Variants in CTNNBL1 observed in about 807,000 individuals in gnomAD.
CTNNBL1 encodes the protein catenin beta like 1, also known as beta-catenin-like protein 1.
Under a neutral mutation model 72.7 loss-of-function variants are expected in CTNNBL1, and 31 were observed. That is an observed-to-expected ratio of 0.43 (90% CI 0.32 to 0.58). The LOEUF is 0.58. Ranked by LOEUF, CTNNBL1 falls within the 20% of genes least tolerant of loss-of-function variation. CTNNBL1 has a pLI of 0.08. For synonymous variants in CTNNBL1, 240 were observed against 267.3 expected (o/e 0.90, Z 1.00); for missense variants, 534 against 725.1 (o/e 0.74, Z 3.03).
intron 4 of CTNNBL1, among the ~76,000 whole-genome samples, chr20:37,748,959 C>T (rs761508140): frequency 1.8e-4 from 27 of 152,210 alleles, no homozygotes; most frequent in South Asian, 1.2e-3. Context: ...TCAGTGACTA[C>T]GAGTTCTGGT....
intron 10 of CTNNBL1, among the ~76,000 whole-genome samples, chr20:37,788,535 G>T (rs1043473968): frequency 2.6e-5 from 4 of 152,148 alleles, no homozygotes; most frequent in South Asian, 2.1e-4. Flanking sequence ...ACAAAACGGG[G>T]CCATAGTGTG....
At chr20:37,844,853 C>T (rs1170992785) in intron 13 of CTNNBL1, among the ~76,000 whole-genome samples, 2 of 152,166 alleles carry the variant, frequency 1.3e-5, no homozygotes, top group Non-Finnish European at 2.9e-5. Flanking sequence ...GAGGCTGAGG[C>T]ACGAGAGTCA....
At chr20:37,732,765 TC>T in intron 1 of CTNNBL1, 113 bp from the exon 2 acceptor site, 1 of 890,854 alleles carries the variant, frequency 1.1e-6, no homozygotes, top group Non-Finnish European at 1.7e-6. Context: ...ACTCCTGGGC[TC>T]AAGAGATCTG....
At chr20:37,842,285 C>A in intron 12 of CTNNBL1, 54 bp from the exon 13 acceptor site, 1 of 1,266,884 alleles carries the variant, frequency 7.9e-7, no homozygotes, top group East Asian at 2.3e-5. Context: ...CCACTGTTCT[C>A]TTGCTGTGCG....
chr20:37,707,425 C>T (rs186350815), intron 1 of CTNNBL1, among the ~76,000 whole-genome samples: 10 of 152,332 alleles, frequency 6.6e-5, no homozygotes, highest in East Asian at 1.9e-4. Flanking sequence ...GTTCACCTTG[C>T]GCTTTCATGT....
intron 1 of CTNNBL1, among the ~76,000 whole-genome samples, chr20:37,696,891 T>C (rs1160448284): frequency 6.6e-6 from 1 of 152,030 alleles, no homozygotes; most frequent in Admixed American, 6.6e-5. Context: ...TACTAGAAAA[T>C]GTAAAGTGGG....
At chr20:37,839,953 A>T in intron 11 of CTNNBL1, 149 bp from the exon 12 acceptor site, 1 of 576,034 alleles carries the variant, frequency 1.7e-6, no homozygotes, top group Non-Finnish European at 3.1e-6. Flanking sequence ...TTTTTTAGTG[A>T]CACAATTTAG....
intron 7 of CTNNBL1, among the ~76,000 whole-genome samples, chr20:37,769,803 A>G (rs1184873347): frequency 6.6e-6 from 1 of 152,224 alleles, no homozygotes; most frequent in Non-Finnish European, 1.5e-5. Flanking sequence ...GCTCTGCTTC[A>G]GAATGTCACA....
At position 37,696,999 on chromosome 20, in the gene CTNNBL1, TGAA is replaced by T. The variant is rs377674733; in HGVS notation, c.30+2851_30+2853del. 2.7e-3 allele frequency among the ~76,000 whole-genome samples: 416 copies of T among 151,426 alleles called. 5 individuals are homozygous for T. Among genetic ancestry groups the T allele is most frequent in the East Asian group, 0.016 (83 of 5,038 alleles). ...GAGTTTGAGACCAGCCTGACCAACATGAAGAAACCATGTCTCTACTAAAAATAT... is the reference window on the plus strand; with the variant it reads ...GAGTTTGAGACCAGCCTGACCAACATGAAACCATGTCTCTACTAAAAATAT... On this transcript the variant is annotated intron_variant, in intron 1 of 15. Coordinates refer to ENST00000361383, the MANE Select transcript of CTNNBL1 (RefSeq NM_030877.5).
intron 15 of CTNNBL1, among the ~76,000 whole-genome samples, chr20:37,865,243 GTGACTGACCATAGC>G (rs1352594282): frequency 2.6e-5 from 4 of 152,178 alleles, no homozygotes; most frequent in Non-Finnish European, 5.9e-5. Flanking sequence ...CACAAGTGAG[GTGACTGACCATAGC>G]GCAAAGCAGA....
chr20:37,757,531 TG>T, intron 4 of CTNNBL1, 27 bp from the exon 5 acceptor site: 2 of 1,507,690 alleles, frequency 1.3e-6, no homozygotes, highest in Non-Finnish European at 1.8e-6. Flanking sequence ...CGTTTCAGTA[TG>T]TGTGTTATAC....
At chr20:37,866,276 C>A (rs190796719) in intron 15 of CTNNBL1, among the ~76,000 whole-genome samples, 1 of 152,220 alleles carries the variant, frequency 6.6e-6, no homozygotes, top group Non-Finnish European at 1.5e-5. Flanking sequence ...AGAGGGCTCT[C>A]GGGAAGCGCT....
chr20:37,737,384 C>T lies in CTNNBL1; in HGVS notation c.226C>T (p.Pro76Ser). 6.2e-7 allele frequency: 1 copy of T among 1,611,318 alleles called. No individual in the cohort carries two copies. The highest frequency in any genetic ancestry group is 8.5e-7 in the Non-Finnish European group (1 of 1,177,858). ...ATTTGTCTCTTTGTACCAGGAGGAG[C>T]CATTGGATGAAAGCTCAGTGAAGAA... ...DGEEEEEEEE[P>S]LDESSVKKMI... Residue 76 changes from proline (P) to serine (S), a missense_variant, in exon 3 of 16, where the codon CCA becomes TCA. Physicochemically the swap from Pro to Ser is moderately conservative, Grantham distance 74. Coordinates refer to ENST00000361383, the MANE Select transcript of CTNNBL1 (RefSeq NM_030877.5).
chr20:37,765,124 AGTAT>A (rs1402944333), intron 5 of CTNNBL1, 69 bp from the exon 6 acceptor site: 3 of 968,468 alleles, frequency 3.1e-6, no homozygotes, highest in Non-Finnish European at 4.9e-6. Flanking sequence ...TGGAGAAGTA[AGTAT>A]GGGAACGGGA....
Position 37,802,984 on chromosome 20 carries a change from T to C in CTNNBL1, c.1149T>C (p.Phe383=). 6.2e-7 allele frequency: 1 copy of C among 1,614,124 alleles called. No individual in the cohort carries two copies. Among genetic ancestry groups the C allele is most frequent in the Non-Finnish European group, 8.5e-7 (1 of 1,180,012 alleles). The change falls in exon 11 of 16, where the codon TTT becomes TTC. Residue 383 remains phenylalanine, a synonymous_variant. Transcript: ENST00000361383. ...FVDILGLRTI[F]PLFMKSPRKI... is the part of the protein sequence containing the mutation. Reference sequence around the variant, plus strand: ...ACATTCTTGGCTTACGAACCATCTTTCCCCTCTTTATGAAATCTCCCAGGA... The same window carrying C: ...ACATTCTTGGCTTACGAACCATCTTCCCCCTCTTTATGAAATCTCCCAGGA...
chr20:37,869,832 G>A (rs2072567671), intron 15 of CTNNBL1, among the ~76,000 whole-genome samples: 1 of 152,152 alleles, frequency 6.6e-6, no homozygotes, highest in Admixed American at 6.5e-5. Flanking sequence ...GCACAGTTGT[G>A]AGTCAGAGCT....
chr20:37,757,801 A>C (rs1488055772), intron 5 of CTNNBL1, 145 bp downstream of exon 5: 2 of 617,000 alleles, frequency 3.2e-6, no homozygotes, highest in African/African-American at 3.7e-5. Context: ...GAGAGTAAAA[A>C]AGTAGAGATG....
chr20:37,746,336 G>A (rs2073262371), intron 3 of CTNNBL1, 132 bp from the exon 4 acceptor site: 1 of 844,008 alleles, frequency 1.2e-6, no homozygotes, highest in South Asian at 1.6e-5. Flanking sequence ...ATGATGTTTG[G>A]ATGAGTGTAC....
At chr20:37,765,407 T>G (rs2073458166) in intron 6 of CTNNBL1, 117 bp downstream of exon 6, 2 of 663,162 alleles carry the variant, frequency 3.0e-6, no homozygotes, top group Non-Finnish European at 2.7e-6. Flanking sequence ...TCCTTCCTTC[T>G]GCTCCCAAAC....
Sources: gnomAD v4.1 joint callset for allele counts (sites outside exome capture counted in the v4.1 genomes callset) on GRCh38, gnomAD v4.1.1 for gene constraint, MANE v1.5 for transcripts, NCBI Gene and HGNC (gene_info 2026-07-23, HGNC 2026-07-21) for gene names.